MGMT: variants seen among roughly 807,000 people sequenced by gnomAD.
MGMT encodes methylated-DNA--protein-cysteine methyltransferase.
In MGMT, 14 loss-of-function variants were observed where a neutral mutation model predicts 15.9. That is an observed-to-expected ratio of 0.88 (90% confidence interval 0.58 to 1.37). The LOEUF (loss-of-function observed/expected upper bound fraction) is 1.37. Ranked by LOEUF, MGMT falls within the 40% of genes most tolerant of loss-of-function variation. The pLI is 0.00. For synonymous variants in MGMT, 130 were observed against 118.2 expected (o/e 1.10, Z -0.65); for missense variants, 282 against 268.1 (o/e 1.05, Z -0.36).
At chr10:129,674,072 T>C (rs1447627012) in intron 2 of MGMT, among the ~76,000 whole-genome samples, 2 of 152,238 alleles carry the variant, frequency 1.3e-5, no homozygotes, top group African/African-American at 4.8e-5. Flanking sequence ...CTCTCTTTGA[T>C]TCTACAGGAA....
chr10:129,604,482 A>G (rs947784001), intron 2 of MGMT, among the ~76,000 whole-genome samples: 1 of 152,242 alleles, frequency 6.6e-6, no homozygotes, highest in African/African-American at 2.4e-5. Context: ...GTGCTTTCTC[A>G]GATGTGTGAC....
intron 2 of MGMT, among the ~76,000 whole-genome samples, chr10:129,538,100 G>GTA (rs1407614427): frequency 6.6e-6 from 1 of 152,116 alleles, no homozygotes; most frequent in Non-Finnish European, 1.5e-5. Flanking sequence ...TTTGAGAATA[G>GTA]TATATAAAAG....
At chr10:129,530,532 C>T (rs1845919338) in intron 1 of MGMT, among the ~76,000 whole-genome samples, 1 of 152,120 alleles carries the variant, frequency 6.6e-6, no homozygotes, top group African/African-American at 2.4e-5. Context: ...GTTTGTTTCC[C>T]GTTATTTTGT....
chr10:129,697,218 A>G (rs1848042438), intron 2 of MGMT, among the ~76,000 whole-genome samples: 1 of 152,230 alleles, frequency 6.6e-6, no homozygotes, highest in African/African-American at 2.4e-5. Context: ...GGAAGAGATC[A>G]TAGAGATCAT....
In MGMT at chr10:129,589,289, G is replaced by A. The variant is rs1174343094; in HGVS notation, c.125+52912G>A. ...CGTCAGAGCAGCCAGGCCTCAAGCCGCCTGGCTGGGGTGGGGACAAAGTGT... is the reference window on the plus strand; with the variant it reads ...CGTCAGAGCAGCCAGGCCTCAAGCCACCTGGCTGGGGTGGGGACAAAGTGT... On this transcript the variant is annotated intron_variant, in intron 2 of 4. Transcript: ENST00000651593. Among the ~76,000 whole-genome samples the A allele has an allele frequency of 5.9e-5, 9 of 152,200 alleles. No individual in the cohort carries two copies. The South Asian group carries it at 6.2e-4, about 10-fold the overall frequency.
At chr10:129,610,922 C>T (rs751662339) in intron 2 of MGMT, among the ~76,000 whole-genome samples, 1 of 152,144 alleles carries the variant, frequency 6.6e-6, no homozygotes, top group Non-Finnish European at 1.5e-5. Flanking sequence ...AGTATGTTCT[C>T]GTGAGATACT....
intron 2 of MGMT, among the ~76,000 whole-genome samples, chr10:129,657,728 C>CACACACACACACACACACACACA (rs1554874807): frequency 3.7e-5 from 5 of 136,168 alleles, no homozygotes; most frequent in East Asian, 2.1e-4. Flanking sequence ...CACACACACA[C>CACACACACACACACACACACACA]CCCCTCTCCC....
At chr10:129,560,392 C>G (rs990570385) in intron 2 of MGMT, among the ~76,000 whole-genome samples, 1 of 152,222 alleles carries the variant, frequency 6.6e-6, no homozygotes, top group Non-Finnish European at 1.5e-5. Flanking sequence ...GTAGACACAG[C>G]TCCAGGCAGT....
At chr10:129,687,813 C>T (rs1405104278) in intron 2 of MGMT, among the ~76,000 whole-genome samples, 1 of 151,822 alleles carries the variant, frequency 6.6e-6, no homozygotes, top group African/African-American at 2.4e-5. Flanking sequence ...TCATCACTTA[C>T]ATTAGGTATA....
At position 129,759,337 on chromosome 10, in the gene MGMT, A is replaced by G. The variant is rs1276179130; in HGVS notation, c.410A>G (p.Asn137Ser). ...ARAVGGAMRG[N>S]PVPILIPCHR... ...GCAGTGGGAGGAGCAATGAGAGGCA[A>G]TCCTGTGAGTTCTCATGGCGCAAGC... The change falls in exon 4 of 5, where the codon AAT (asparagine) becomes AGT (serine). Residue 137 changes from asparagine to serine, a missense_variant. Transcript: ENST00000651593. 1.4e-5 allele frequency: 23 copies of G among 1,614,016 alleles called. No homozygotes were observed. Among genetic ancestry groups the G allele is most frequent in the African/African-American group, 4.0e-5 (3 of 74,926 alleles).
intron 1 of MGMT, among the ~76,000 whole-genome samples, chr10:129,475,591 A>G (rs1261384536): frequency 2.0e-5 from 3 of 152,154 alleles, no homozygotes; most frequent in Non-Finnish European, 4.4e-5. Flanking sequence ...CCATTGTGTT[A>G]TCATCAGATT....
At chr10:129,508,136 A>C (rs917453219) in intron 1 of MGMT, among the ~76,000 whole-genome samples, 2 of 152,132 alleles carry the variant, frequency 1.3e-5, no homozygotes, top group African/African-American at 4.8e-5. Flanking sequence ...CTCAGCCTGT[A>C]GGTCCTAGCC....
In MGMT at chr10:129,536,352, C is replaced by T. The variant is rs762570503; in HGVS notation, c.100C>T (p.Leu34=). 6.2e-7 allele frequency: 1 copy of T among 1,613,878 alleles called. No homozygotes were observed. Among genetic ancestry groups the T allele is most frequent in the South Asian group, 1.1e-5 (1 of 91,040 alleles). ...CEQGLHEIKL[L]GKGTSAADAV... is the part of the protein sequence containing the mutation. ...GCAGGGTCTGCACGAAATAAAGCTCCTGGGCAAGGGGACGTCTGCAGCTGA... is the reference window on the plus strand; with the variant it reads ...GCAGGGTCTGCACGAAATAAAGCTCTTGGGCAAGGGGACGTCTGCAGCTGA... The change falls in exon 2 of 5, where the codon CTG becomes TTG. Residue 34 remains leucine, a synonymous_variant. Transcript: ENST00000651593.
At chr10:129,692,936 C>T (rs1446806059) in intron 2 of MGMT, among the ~76,000 whole-genome samples, 3 of 152,334 alleles carry the variant, frequency 2.0e-5, no homozygotes, top group East Asian at 1.9e-4. Flanking sequence ...CGCAGCACCA[C>T]GGTAAGTTCT....
chr10:129,500,835 G>A (rs1341647461), intron 1 of MGMT, among the ~76,000 whole-genome samples: 1 of 152,168 alleles, frequency 6.6e-6, no homozygotes, highest in East Asian at 1.9e-4. Context: ...ACAGACATGA[G>A]CCACCGCACG....
intron 2 of MGMT, among the ~76,000 whole-genome samples, chr10:129,682,723 T>C (rs1041020408): frequency 3.3e-5 from 5 of 152,220 alleles, no homozygotes; most frequent in African/African-American, 1.2e-4. Flanking sequence ...TTCCTGGTTT[T>C]GGTAACGCAT....
chr10:129,677,576 A>T (rs1847799632), intron 2 of MGMT, among the ~76,000 whole-genome samples: 3 of 152,182 alleles, frequency 2.0e-5, no homozygotes, highest in African/African-American at 2.4e-5. Flanking sequence ...TCTTTCACCC[A>T]GTCTGTTTGT....
At chr10:129,598,016 C>T (rs542063897) in intron 2 of MGMT, among the ~76,000 whole-genome samples, 41 of 152,270 alleles carry the variant, frequency 2.7e-4, no homozygotes, top group African/African-American at 9.4e-4. Flanking sequence ...GCTCTCGGCC[C>T]CTGGGCCTGC....
intron 1 of MGMT, among the ~76,000 whole-genome samples, chr10:129,476,621 G>A (rs1020379695): frequency 3.9e-5 from 6 of 152,234 alleles, no homozygotes; most frequent in East Asian, 1.9e-4. Context: ...CTTAGCCGGC[G>A]TGACTCAGGA....
Sources: gnomAD v4.1 joint callset for allele counts (sites outside exome capture counted in the v4.1 genomes callset) on GRCh38, gnomAD v4.1.1 for gene constraint, MANE v1.5 for transcripts, NCBI Gene and HGNC (gene_info 2026-07-23, HGNC 2026-07-21) for gene names.